The following CFAP20DC variants were observed in gnomAD, a reference collection of about 807,000 sequenced individuals.
The protein encoded by CFAP20DC is protein CFAP20DC.
CFAP20DC carries 84 observed loss-of-function variants against 101.7 expected under a neutral mutation model. The ratio of observed to expected loss-of-function variants is 0.83; its 90% CI spans 0.69 to 0.99. The LOEUF (loss-of-function observed/expected upper bound fraction) is 0.99. CFAP20DC is among the 50% of genes least tolerant of loss of function. CFAP20DC has a pLI of 0.00. For missense variants in CFAP20DC, 1,007 were observed against 970.3 expected (o/e 1.04, Z -0.50); for synonymous variants, 359 against 351.2 (o/e 1.02, Z -0.25).
At chr3:59,012,667 A>C (rs2093609830) in intron 4 of CFAP20DC, among the ~76,000 whole-genome samples, 1 of 152,234 alleles carries the variant, frequency 6.6e-6, no homozygotes, top group South Asian at 2.1e-4. Flanking sequence ...AGAACTTATA[A>C]AACTGCATTA....
At chr3:58,843,009 C>G (rs1018537041) in intron 13 of CFAP20DC, among the ~76,000 whole-genome samples, 1 of 152,200 alleles carries the variant, frequency 6.6e-6, no homozygotes, top group Non-Finnish European at 1.5e-5. Context: ...GAAAACCCAT[C>G]TGTACATCAC....
Position 58,742,354 on chromosome 3 carries a change from G to A in CFAP20DC, c.*106C>T. The A allele has an allele frequency of 7.7e-7, 1 of 1,304,846 alleles. No homozygotes were observed. The highest frequency in any genetic ancestry group is 9.8e-7 in the Non-Finnish European group (1 of 1,017,296). 80.8% of individuals were successfully genotyped at this position (1,304,846 alleles called of 1,614,324 possible). A position where few individuals can be genotyped will look rare whatever the true frequency, so the allele number is the denominator to read the frequency against. On this transcript the variant is annotated 3_prime_UTR_variant, in exon 17 of 17. Transcript: ENST00000482387. Reference sequence around the variant, plus strand: ...GAATTCGTTTCTCTCAGTTACTGTTGATTTTGTGGTCACCCAACACATAAG... The same window carrying A: ...GAATTCGTTTCTCTCAGTTACTGTTAATTTTGTGGTCACCCAACACATAAG...
In CFAP20DC at chr3:59,018,127, G is replaced by A. The variant is rs1245599585; in HGVS notation, c.278+21430C>T. The A allele has an allele frequency of 2.6e-5, 4 of 152,102 alleles. No homozygotes were observed. In the East Asian group the frequency reaches 7.7e-4, roughly 29 times the overall value. 9.4% of individuals were successfully genotyped at this position (152,102 alleles called of 1,614,324 possible). On this transcript the variant is annotated intron_variant, in intron 4 of 16. Transcript: ENST00000482387. ...GACACACATAGGCTGCACTGGCCAG[G>A]GGAGATACCCAAACAAAGATCAGAT...
intron 4 of CFAP20DC, among the ~76,000 whole-genome samples, chr3:58,985,563 T>G (rs1464680373): frequency 3.3e-5 from 5 of 152,188 alleles, no homozygotes; most frequent in Non-Finnish European, 7.3e-5. Context: ...ACTTCTCCAC[T>G]CACTCCTTAT....
At chr3:58,733,419 C>T (rs1051568141) in intron 3 of CFAP20DC, among the ~76,000 whole-genome samples, 4 of 151,946 alleles carry the variant, frequency 2.6e-5, no homozygotes, top group African/African-American at 7.3e-5. Flanking sequence ...TTATTTCAAA[C>T]ATTCGTCATA....
At chr3:59,039,477 A>G (rs755649379) in intron 4 of CFAP20DC, 80 bp downstream of exon 4, 115 of 811,050 alleles carry the variant, frequency 1.4e-4, no homozygotes, top group Middle Eastern at 1.1e-3. Flanking sequence ...GTCACTTGCA[A>G]TTAATGATTG....
Position 58,722,595 on chromosome 3 carries a change from C to A in CFAP20DC, c.198-4967G>T, listed in dbSNP as rs78292370. On this transcript the variant is annotated intron_variant, in intron 3 of 3. Transcript: ENST00000486145. The surrounding 1 kb of genome is among the most constrained non-coding windows in gnomAD (Gnocchi z 4.5). ...TCAAAAGCCCAGCTCTCCCCTTCGACGCAGGGTCAAGGCAAGACAGGGAAT... is the reference window on the plus strand; with the variant it reads ...TCAAAAGCCCAGCTCTCCCCTTCGAAGCAGGGTCAAGGCAAGACAGGGAAT... 1.3e-5 allele frequency among the ~76,000 whole-genome samples: 2 copies of A among 152,276 alleles called. No homozygotes were observed. The highest frequency in any genetic ancestry group is 6.5e-5 in the Admixed American group (1 of 15,302).
chr3:58,804,988 T>G, intron 15 of CFAP20DC, among the ~76,000 whole-genome samples: 1 of 152,190 alleles, frequency 6.6e-6, no homozygotes, highest in Non-Finnish European at 1.5e-5. Flanking sequence ...AAAGAACATT[T>G]ACTCATCTGT....
chr3:59,023,732 A>G (rs1321484183), intron 4 of CFAP20DC, among the ~76,000 whole-genome samples: 1 of 152,110 alleles, frequency 6.6e-6, no homozygotes, highest in Non-Finnish European at 1.5e-5. Flanking sequence ...TTAAAATTCA[A>G]ATACTGATCA....
At chr3:58,932,057 C>T (rs1469476120) in intron 5 of CFAP20DC, among the ~76,000 whole-genome samples, 3 of 152,108 alleles carry the variant, frequency 2.0e-5, no homozygotes, top group South Asian at 2.1e-4. Flanking sequence ...ACTAGAATAA[C>T]CAATACAGAG....
chr3:58,911,897 A>G (rs1176581471), intron 6 of CFAP20DC, among the ~76,000 whole-genome samples: 2 of 152,018 alleles, frequency 1.3e-5, no homozygotes, highest in Non-Finnish European at 2.9e-5. Flanking sequence ...AATTTTGGCC[A>G]ATCTCCCTGT....
rs2093646733 is a variant in CFAP20DC at position 59,014,310 on chromosome 3, T to C, written c.278+25247A>G. 6.6e-6 allele frequency among the ~76,000 whole-genome samples: 1 copy of C among 152,112 alleles called. No homozygotes were observed. The highest frequency in any genetic ancestry group is 2.4e-5 in the African/African-American group (1 of 41,422). ...AACTGTTGCAGGAAGAAATGTATCA[T>C]AAAACATAATGTGAAGCTACTTAAA... On this transcript the variant is annotated intron_variant, in intron 4 of 16. Transcript: ENST00000482387. This position sits in a 1 kb window ranked among gnomAD's most constrained non-coding sequence, Gnocchi z 4.9.
chr3:58,905,176 C>T lies in CFAP20DC; in HGVS notation c.550+8532G>A, dbSNP rs1309471386. ...AACTGGGGAGTAAGGAGACCTGTAT[C>T]ATCATCACTGGTGTATCATATCTTG... On this transcript the variant is annotated intron_variant, in intron 6 of 16. Transcript: ENST00000482387. Among the ~76,000 whole-genome samples, 5 of 152,258 alleles carry T rather than the reference C, an allele frequency of 3.3e-5. No homozygotes were observed. In the South Asian group the frequency reaches 1.0e-3, roughly 32 times the overall value.
intron 3 of CFAP20DC, among the ~76,000 whole-genome samples, chr3:59,040,460 A>G (rs1378339819): frequency 6.6e-6 from 1 of 151,982 alleles, no homozygotes; most frequent in Non-Finnish European, 1.5e-5. Flanking sequence ...TTAGTATGAC[A>G]CTTCCTAAAA....
chr3:58,939,627 T>G (rs1191873099), intron 4 of CFAP20DC, among the ~76,000 whole-genome samples: 1 of 151,406 alleles, frequency 6.6e-6, no homozygotes, highest in East Asian at 1.9e-4. Flanking sequence ...CCTGGCTAAT[T>G]TTTCGTATTT....
At chr3:59,010,239 T>C (rs2093551102) in intron 4 of CFAP20DC, among the ~76,000 whole-genome samples, 1 of 152,108 alleles carries the variant, frequency 6.6e-6, no homozygotes, top group East Asian at 1.9e-4. Context: ...CTTGCCTAAA[T>C]GCTCCACTTA....
At chr3:58,810,779 T>C (rs367557833) in intron 14 of CFAP20DC, among the ~76,000 whole-genome samples, 21 of 151,588 alleles carry the variant, frequency 1.4e-4, no homozygotes, top group African/African-American at 3.2e-4. Context: ...TGTTTGCAGA[T>C]GACATGATTG....
Position 58,861,681 on chromosome 3 carries a change from G to C in CFAP20DC, c.1593+1877C>G, listed in dbSNP as rs571234761. The C allele has an allele frequency of 3.0e-6, 3 of 985,402 alleles. No individual in the cohort carries two copies. In the East Asian group the frequency reaches 3.4e-4, roughly 112 times the overall value. The allele number at this position is 985,402 out of a possible 1,614,324, so 61.0% of individuals were successfully genotyped here. ...TCTGTACCAGCAAACCCCAAAGCTT[G>C]ATAATGTGGCAGGTGTTTCCCCTCT... On this transcript the variant is annotated intron_variant, in intron 12 of 16. Coordinates refer to ENST00000482387, the MANE Select transcript of CFAP20DC (RefSeq NM_001394063.1). This position sits in a 1 kb window ranked among gnomAD's most constrained non-coding sequence, Gnocchi z 4.0.
intron 1 of CFAP20DC, among the ~76,000 whole-genome samples, chr3:59,048,772 G>A (rs116655936): frequency 0.019 from 2,938 of 152,182 alleles, 97 homozygotes; most frequent in African/African-American, 0.068. Context: ...AGTAACAAAC[G>A]TTCATCAGAA....
Sources: allele counts gnomAD v4.1 joint callset (sites outside exome capture counted in the v4.1 genomes callset), GRCh38; gene constraint gnomAD v4.1.1; non-coding constraint Gnocchi (gnomAD v3.1); transcripts MANE v1.5; gene names NCBI Gene and HGNC (gene_info 2026-07-23, HGNC 2026-07-21).